Variants in PRRC2B observed in about 807,000 individuals in gnomAD.
PRRC2B encodes proline rich coiled-coil 2B.
In PRRC2B, 68 loss-of-function variants were observed where a neutral mutation model predicts 242.3. The ratio of observed to expected loss-of-function variants is 0.28; its 90% CI spans 0.23 to 0.34. PRRC2B has a LOEUF of 0.34. Among genes scored for constraint, PRRC2B ranks in the 10% least tolerant of loss-of-function variants. PRRC2B has a pLI of 1.00. For missense variants in PRRC2B, 2,835 were observed against 2,954.8 expected, an observed-to-expected ratio of 0.96 and a Z score of 0.94; for synonymous variants, 1,228 against 1,173.6, an observed-to-expected ratio of 1.05 and a Z score of -0.95.
chr9:131,487,744 TG>T lies in PRRC2B; in HGVS notation c.5985-108del. 1.4e-6 allele frequency: 2 copies of T among 1,416,346 alleles called. No individual in the cohort carries two copies. The highest frequency in any genetic ancestry group is 1.9e-6 in the Non-Finnish European group (2 of 1,057,758). The allele number at this position is 1,416,346 out of a possible 1,614,324, so 87.7% of individuals were successfully genotyped here. ...GACCCTCTGAGTCGCGCTCTGGGGG[TG>T]GGGCCGGGGATCTGTGGTTTAGCAA... On this transcript the variant is annotated intron_variant, in intron 27 of 31. Coordinates refer to ENST00000683519, the MANE Select transcript of PRRC2B (RefSeq NM_013318.4). This position sits in a 1 kb window ranked among gnomAD's most constrained non-coding sequence, Gnocchi z 5.3.
chr9:131,479,996 A>C (rs1352552292), intron 19 of PRRC2B, among the ~76,000 whole-genome samples: 3 of 152,146 alleles, frequency 2.0e-5, no homozygotes, highest in African/African-American at 7.2e-5. Context: ...TTTTCATAGA[A>C]TAGGTTCTTC....
chr9:131,462,836 TAAAAAAAAAAA>T (rs553444971), intron 11 of PRRC2B, among the ~76,000 whole-genome samples: 3 of 81,940 alleles, frequency 3.7e-5, no homozygotes, highest in African/African-American at 1.4e-4. Context: ...AGACTCCGTC[TAAAAAAAAAAA>T]AAAAAAAAAG....
intron 1 of PRRC2B, among the ~76,000 whole-genome samples, chr9:131,427,016 A>G (rs1179466844): frequency 6.6e-6 from 1 of 152,204 alleles, no homozygotes; most frequent in Non-Finnish European, 1.5e-5. Flanking sequence ...TTCCTTGAAG[A>G]AGGGCACAGT....
intron 12 of PRRC2B, among the ~76,000 whole-genome samples, 192 bp downstream of exon 12, chr9:131,465,270 T>C (rs973003093): frequency 1.3e-5 from 2 of 152,332 alleles, no homozygotes; most frequent in African/African-American, 4.8e-5. Flanking sequence ...AACTTCTTTT[T>C]TATAATTTCA....
chr9:131,416,465 G>T (rs1414946753), intron 1 of PRRC2B, among the ~76,000 whole-genome samples: 5 of 152,168 alleles, frequency 3.3e-5, no homozygotes, highest in Admixed American at 1.3e-4. Context: ...GTACAGAAAA[G>T]TTGGAGTTCC....
chr9:131,405,223 C>CT (rs1224852544), intron 1 of PRRC2B, among the ~76,000 whole-genome samples: 1 of 152,150 alleles, frequency 6.6e-6, no homozygotes, highest in African/African-American at 2.4e-5. Context: ...GGAGGAGTTG[C>CT]TCTGGGTGTC....
At chr9:131,473,436 C>A in intron 14 of PRRC2B, 72 bp from the exon 15 acceptor site, 1 of 1,215,480 alleles carries the variant, frequency 8.2e-7, no homozygotes, top group Non-Finnish European at 1.2e-6. Context: ...TTCTTTGGGC[C>A]TTTGGTTGAC....
rs765827367 is a variant in PRRC2B, at chr9:131,470,942, G to A, written c.2066G>A (p.Arg689Gln). ...SYMDPRITPTRTPVDFYPSAL... is the reference protein window; with the variant it reads ...SYMDPRITPTQTPVDFYPSAL... The stretch of plus-strand genomic sequence containing the variant: ...ATGGACCCACGTATCACGCCCACTC[G>A]GACCCCGGTGGACTTCTACCCCTCC... Residue 689 changes from arginine (R) to glutamine (Q), a missense_variant, in exon 14 of 32, where the codon CGG (arginine) becomes CAG (glutamine). By Grantham distance (43) the Arg-to-Gln change is conservative. Around this residue, in one of 7 missense-constraint regions of PRRC2B, gnomAD observed 1,536 missense variants for 1,483.1 expected, o/e 1.04. Coordinates refer to ENST00000683519, the MANE Select transcript of PRRC2B (RefSeq NM_013318.4). 1.1e-5 allele frequency: 17 copies of A among 1,611,824 alleles called. No homozygotes were observed. Among genetic ancestry groups the A allele is most frequent in the Middle Eastern group, 3.3e-4 (2 of 6,054 alleles).
chr9:131,472,471 AT>A lies in PRRC2B; in HGVS notation c.2108-1014del, dbSNP rs749051569. ...AGGCGCCCACCACCACGCCCAGCTA[AT>A]TTTTTTTTTTTTTTTTTTTTTTGAG... On this transcript the variant is annotated intron_variant, in intron 14 of 31. Coordinates refer to ENST00000683519, the MANE Select transcript of PRRC2B (RefSeq NM_013318.4). 5.2e-3 allele frequency among the ~76,000 whole-genome samples: 474 copies of A among 91,512 alleles called. 12 individuals are homozygous for A. The highest frequency in any genetic ancestry group is 0.014 in the Middle Eastern group (2 of 142). 60.0% of individuals were successfully genotyped at this position (91,512 alleles called of 152,430 possible).
upstream of PRRC2B, among the ~76,000 whole-genome samples, chr9:131,390,959 G>C (rs1039163575): frequency 3.3e-5 from 5 of 151,602 alleles, no homozygotes; most frequent in African/African-American, 4.8e-5. Context: ...GCTAATTTTT[G>C]TATTTTTAGT....
chr9:131,405,210 A>G (rs1271702771), intron 1 of PRRC2B, among the ~76,000 whole-genome samples: 2 of 152,208 alleles, frequency 1.3e-5, no homozygotes, highest in Non-Finnish European at 2.9e-5. Context: ...AGAAGCGGCC[A>G]CTGGAGGAGT....
intron 25 of PRRC2B, 124 bp from the exon 26 acceptor site, chr9:131,485,961 C>T (rs1167667341): frequency 2.7e-5 from 20 of 739,586 alleles, no homozygotes; most frequent in Non-Finnish European, 3.9e-5. Flanking sequence ...AGCCTCTGTA[C>T]ACACGCCCTC....
At chr9:131,422,413 G>A (rs1442459830) in intron 1 of PRRC2B, among the ~76,000 whole-genome samples, 1 of 152,126 alleles carries the variant, frequency 6.6e-6, no homozygotes, top group African/African-American at 2.4e-5. Context: ...TGTCAAACAG[G>A]CAGTAGTATC....
rs1286289878 is a variant in PRRC2B at position 131,467,677 on chromosome 9, G to C, written c.1835G>C (p.Gly612Ala). 6.2e-7 allele frequency: 1 copy of C among 1,613,954 alleles called. No homozygotes were observed. The highest frequency in any genetic ancestry group is 1.1e-5 in the South Asian group (1 of 91,070). The change falls in exon 13 of 32, where the codon GGG becomes GCG. Residue 612 changes from glycine (G) to alanine (A), a missense_variant. By Grantham distance (60) the Gly-to-Ala change is moderately conservative (BLOSUM62 0). Transcript: ENST00000683519. ...NSSEEEAREA[G>A]SPAQEFKYQK... ...AGTGAGGAAGAGGCCAGAGAGGCTGGGTCCCCTGCACAGGAGTTCAAGTAT... is the reference window on the plus strand; with the variant it reads ...AGTGAGGAAGAGGCCAGAGAGGCTGCGTCCCCTGCACAGGAGTTCAAGTAT...
rs1944420755 is a variant in PRRC2B at position 131,499,874 on chromosome 9, C to T, written c.*4000C>T. On this transcript the variant is annotated 3_prime_UTR_variant, in exon 32 of 32. Transcript: ENST00000683519. Reference sequence around the variant, plus strand: ...AAGGATTTGGGGGTTTTGTTTGGTTCCTGAGAGGGTTGTGTTTTGTTTTTG... The same window carrying T: ...AAGGATTTGGGGGTTTTGTTTGGTTTCTGAGAGGGTTGTGTTTTGTTTTTG... The T allele has an allele frequency of 6.6e-6, 1 of 152,190 alleles. No homozygotes were observed. Among genetic ancestry groups the T allele is most frequent in the Non-Finnish European group, 1.5e-5 (1 of 68,054 alleles). The allele number at this position is 152,190 out of a possible 1,614,324, so 9.4% of individuals were successfully genotyped here.
Position 131,486,081 on chromosome 9 carries a change from C to A in PRRC2B, c.5759-4C>A. ...CTACGTCCCTTTTGCCGCTCTGTTT[C>A]CAGGCAGCCACCTCCCGCCCCTGTA... is the stretch of plus-strand genomic sequence containing the variant. On this transcript the variant is annotated splice_polypyrimidine_tract_variant and splice_region_variant and intron_variant, in intron 25 of 31. Transcript: ENST00000683519. 1 of 1,607,016 alleles carries A rather than the reference C, an allele frequency of 6.2e-7. No individual in the cohort carries two copies. Among genetic ancestry groups the A allele is most frequent in the Non-Finnish European group, 8.5e-7 (1 of 1,175,172 alleles).
rs1328540026 is a variant in PRRC2B, at chr9:131,475,867, A to G, written c.3738A>G (p.Gly1246=). Residue 1246 remains glycine (G), a synonymous_variant, in exon 16 of 32, where the codon GGA becomes GGG. Transcript: ENST00000683519. ...AATATGGCCCTTCCGACACATGCGG[A>G]TCCCGGCGACCTACAGACAGAGACT... is the stretch of plus-strand genomic sequence containing the variant. ...WQEYGPSDTC[G]SRRPTDRDYV... is the part of the protein sequence containing the mutation. The G allele has an allele frequency of 6.2e-7, 1 of 1,613,708 alleles. No individual in the cohort carries two copies. The highest frequency in any genetic ancestry group is 8.5e-7 in the Non-Finnish European group (1 of 1,179,800).
chr9:131,393,488 GT>G (rs1383439280), upstream of PRRC2B, among the ~76,000 whole-genome samples: 1 of 152,196 alleles, frequency 6.6e-6, no homozygotes, highest in Non-Finnish European at 1.5e-5. Context: ...GGGCTTATTA[GT>G]TTTCATTTTG....
intron 15 of PRRC2B, 38 bp downstream of exon 15, chr9:131,473,762 G>C (rs1320961479): frequency 1.3e-6 from 2 of 1,551,000 alleles, no homozygotes; most frequent in Non-Finnish European, 1.8e-6. Context: ...TGCCACTGAA[G>C]GAGGACTCCA....
Sources: gnomAD v4.1 joint callset for allele counts (sites outside exome capture counted in the v4.1 genomes callset) on GRCh38, gnomAD v4.1.1 for gene constraint, gnomAD v4.1.1 regional missense constraint, Gnocchi (gnomAD v3.1) non-coding constraint, MANE v1.5 for transcripts, NCBI Gene and HGNC (gene_info 2026-07-23, HGNC 2026-07-21) for gene names.